Variants in ZC3H12B observed in about 807,000 individuals in gnomAD.
The protein encoded by ZC3H12B is probable ribonuclease ZC3H12B.
ZC3H12B carries 7 observed loss-of-function variants against 43.9 expected under a neutral mutation model. That is an observed-to-expected ratio of 0.16 (90% CI 0.09 to 0.30). The LOEUF is 0.30. Among genes scored for constraint, ZC3H12B ranks in the 10% least tolerant of loss-of-function variants. The pLI is 1.00. For synonymous variants in ZC3H12B, 222 were observed against 241.7 expected, an observed-to-expected ratio of 0.92 and a Z score of 0.76; for missense variants, 475 against 670.2, an observed-to-expected ratio of 0.71 and a Z score of 3.22.
chrX:65,271,013 GA>G, the ZC3H12B span: 3 of 112,469 alleles, frequency 2.7e-5, no homozygotes, highest in African/African-American at 9.7e-5. Flanking sequence ...AATGCTCTTA[GA>G]ACAAGCTTGC....
At chrX:65,168,954 G>A in the ZC3H12B span, among the ~76,000 whole-genome samples, 9 of 109,792 alleles carry the variant, frequency 8.2e-5, no homozygotes, top group African/African-American at 3.0e-4. Context: ...TCTTGCTAGT[G>A]GTCTATTTTG....
the ZC3H12B span, among the ~76,000 whole-genome samples, chrX:65,344,914 T>C: frequency 2.7e-5 from 3 of 112,059 alleles, no homozygotes; most frequent in African/African-American, 9.7e-5. Context: ...AGACACTTTT[T>C]AAAAGACATA....
At chrX:65,231,680 A>C in the ZC3H12B span, among the ~76,000 whole-genome samples, 1 of 110,903 alleles carries the variant, frequency 9.0e-6, no homozygotes, top group Non-Finnish European at 1.9e-5. Flanking sequence ...CAAGAAGAAA[A>C]ATATGGCTCT....
At chrX:65,296,160 A>G in the ZC3H12B span, among the ~76,000 whole-genome samples, 1 of 112,235 alleles carries the variant, frequency 8.9e-6, no homozygotes, top group Non-Finnish European at 1.9e-5. Flanking sequence ...TATGTATACC[A>G]TGGAATACTA....
chrX:65,237,548 CT>C, the ZC3H12B span, among the ~76,000 whole-genome samples: 65 of 102,947 alleles, frequency 6.3e-4, no homozygotes, highest in Middle Eastern at 5.0e-3. Flanking sequence ...AGTTGAATGC[CT>C]TTTTTTTTTT....
At chrX:65,149,279 T>C in the ZC3H12B span, among the ~76,000 whole-genome samples, 1 of 112,134 alleles carries the variant, frequency 8.9e-6, no homozygotes, top group Non-Finnish European at 1.9e-5. Context: ...CCAGCTGGGC[T>C]GCATCCTCAC....
At chrX:65,251,285 C>T in the ZC3H12B span, among the ~76,000 whole-genome samples, 2 of 111,253 alleles carry the variant, frequency 1.8e-5, no homozygotes, top group Middle Eastern at 4.6e-3. Context: ...CTGTTCTGTT[C>T]CATTGGTCTA....
the ZC3H12B span, among the ~76,000 whole-genome samples, chrX:65,316,215 TAGAG>T: frequency 9.0e-6 from 1 of 111,588 alleles, no homozygotes; most frequent in East Asian, 2.8e-4. Context: ...AGCATTGAAA[TAGAG>T]AGAGATAAAT....
chrX:65,099,793 G>C, the ZC3H12B span, among the ~76,000 whole-genome samples: 1 of 111,459 alleles, frequency 9.0e-6, no homozygotes, highest in Non-Finnish European at 1.9e-5. Flanking sequence ...GCCCAAAAAT[G>C]CTGAAAATTC....
the ZC3H12B span, among the ~76,000 whole-genome samples, chrX:65,174,575 C>T: frequency 3.7e-4 from 41 of 111,903 alleles, 1 homozygote; most frequent in East Asian, 6.0e-3. Context: ...GATGCCCTGC[C>T]AGCGAGGAGG....
At chrX:65,455,425 G>GA (rs1301905841) in intron 3 of ZC3H12B, among the ~76,000 whole-genome samples, 1 of 111,642 alleles carries the variant, frequency 9.0e-6, no homozygotes, top group Non-Finnish European at 1.9e-5. Flanking sequence ...GAAGTTTAGA[G>GA]AAAAAAGAAT....
the ZC3H12B span, among the ~76,000 whole-genome samples, chrX:65,100,702 T>C: frequency 4.7e-5 from 5 of 107,202 alleles, no homozygotes; most frequent in Non-Finnish European, 9.6e-5. Flanking sequence ...AAGAGCTAAC[T>C]ATCCTAAATA....
chrX:65,157,765 C>CTT, the ZC3H12B span, among the ~76,000 whole-genome samples: 154 of 107,415 alleles, frequency 1.4e-3, 1 homozygote, highest in African/African-American at 5.0e-3. Context: ...TTTCCCTTTT[C>CTT]TTTTTTTTAT....
chrX:65,402,774 G>T (rs1472847366), intron 3 of ZC3H12B, among the ~76,000 whole-genome samples: 3 of 112,518 alleles, frequency 2.7e-5, no homozygotes, highest in African/African-American at 9.7e-5. Context: ...CTGAGATTTG[G>T]GTGTTCCCTA....
the ZC3H12B span, among the ~76,000 whole-genome samples, chrX:65,166,206 C>T: frequency 1.8e-5 from 2 of 110,522 alleles, no homozygotes; most frequent in South Asian, 3.9e-4. Context: ...CTTCCCACCC[C>T]ACGACAGGCC....
chrX:65,068,721 G>T, the ZC3H12B span, among the ~76,000 whole-genome samples: 3 of 111,235 alleles, frequency 2.7e-5, no homozygotes, highest in Non-Finnish European at 5.7e-5. Context: ...AGCAAATTTT[G>T]TACCTTCAGT....
chrX:65,456,885 G>A (rs1297636000), intron 3 of ZC3H12B, among the ~76,000 whole-genome samples: 10 of 108,741 alleles, frequency 9.2e-5, no homozygotes, highest in African/African-American at 2.0e-4. Context: ...AGTGAGGAGC[G>A]TCTCTGCCTG....
At chrX:65,239,176 T>C in the ZC3H12B span, among the ~76,000 whole-genome samples, 1 of 111,115 alleles carries the variant, frequency 9.0e-6, no homozygotes, top group Non-Finnish European at 1.9e-5. Context: ...GTGGGGTGTT[T>C]AAGTCTCTCA....
the ZC3H12B span, among the ~76,000 whole-genome samples, chrX:65,355,185 G>GA: frequency 9.0e-6 from 1 of 111,064 alleles, no homozygotes; most frequent in Admixed American, 9.6e-5. Context: ...TTGAAATGAA[G>GA]AAAAAAATGT....
Sources: gnomAD v4.1 joint callset for allele counts (sites outside exome capture counted in the v4.1 genomes callset) on GRCh38, gnomAD v4.1.1 for gene constraint, MANE v1.5 for transcripts, NCBI Gene and HGNC (gene_info 2026-07-23, HGNC 2026-07-21) for gene names.